YWHAE: variants seen among roughly 807,000 people sequenced by gnomAD.
YWHAE encodes the protein tyrosine 3-monooxygenase/tryptophan 5-monooxygenase activation protein epsilon, also known as 14-3-3 protein epsilon.
In YWHAE, 4 loss-of-function variants were observed where a neutral mutation model predicts 30.1. That is an observed-to-expected ratio of 0.13 (90% CI 0.07 to 0.30). The LOEUF (loss-of-function observed/expected upper bound fraction) is 0.30. Ranked by LOEUF, YWHAE falls within the 10% of genes least tolerant of loss-of-function variation. The pLI is 1.00. For missense variants in YWHAE, 121 were observed against 315.9 expected, an observed-to-expected ratio of 0.38 and a Z score of 4.68; for synonymous variants, 118 against 111.8, an observed-to-expected ratio of 1.06 and a Z score of -0.35.
At chr17:1,370,955 T>C (rs1015853819) in intron 1 of YWHAE, among the ~76,000 whole-genome samples, 1 of 151,918 alleles carries the variant, frequency 6.6e-6, no homozygotes, top group African/African-American at 2.4e-5. Context: ...GCTGAGATAG[T>C]GCCACTGCAC....
At chr17:1,355,113 TTTTAAAAAAAAA>T (rs2072712336) in intron 4 of YWHAE, among the ~76,000 whole-genome samples, 1 of 15,318 alleles carries the variant, frequency 6.5e-5, no homozygotes, top group African/African-American at 4.6e-4. Flanking sequence ...CCCCAAGATT[TTTTAAAAAAAAA>T]AAAAAAAAAA....
intron 5 of YWHAE, 86 bp downstream of exon 5, chr17:1,354,125 T>G: frequency 2.0e-6 from 3 of 1,504,150 alleles, no homozygotes; most frequent in Non-Finnish European, 2.7e-6. Context: ...TAGCTTGATA[T>G]AACGACAAGC....
chr17:1,391,024 T>A (rs1419480086), intron 1 of YWHAE, among the ~76,000 whole-genome samples: 1 of 152,152 alleles, frequency 6.6e-6, no homozygotes, highest in Non-Finnish European at 1.5e-5. Flanking sequence ...AAATAAAATG[T>A]ATGTAGGGAA....
At position 1,383,304 on chromosome 17, in the gene YWHAE, C is replaced by G. The variant is rs150362264; in HGVS notation, c.64+16743G>C. The stretch of plus-strand genomic sequence containing the variant: ...GGACGAGGTTTCCGCGAGCTGAGAT[C>G]GCGCGATTGCACTCCAGCCTGGGCA... On this transcript the variant is annotated intron_variant, in intron 1 of 5. Coordinates refer to ENST00000264335, the MANE Select transcript of YWHAE (RefSeq NM_006761.5). Among the ~76,000 whole-genome samples the G allele has an allele frequency of 1.3e-4, 20 of 151,754 alleles. No individual in the cohort carries two copies. In the East Asian group the frequency reaches 3.9e-3, roughly 30 times the overall value.
At chr17:1,376,178 T>C (rs1398173393) in intron 1 of YWHAE, among the ~76,000 whole-genome samples, 1 of 152,216 alleles carries the variant, frequency 6.6e-6, no homozygotes, top group Admixed American at 6.5e-5. Context: ...TTTATTTGAA[T>C]GCATCTGTAC....
chr17:1,388,134 T>G (rs1317073361), intron 1 of YWHAE, among the ~76,000 whole-genome samples: 13 of 110,962 alleles, frequency 1.2e-4, no homozygotes, highest in Non-Finnish European at 1.8e-4. Context: ...TTTTTTTTTT[T>G]TTTTTTTTAG....
At chr17:1,370,395 T>G (rs1368152819) in intron 1 of YWHAE, among the ~76,000 whole-genome samples, 1 of 151,748 alleles carries the variant, frequency 6.6e-6, no homozygotes, top group Non-Finnish European at 1.5e-5. Flanking sequence ...CCTCCCAAAG[T>G]GCTGGGATTA....
rs1208158487 is a variant in YWHAE, at chr17:1,351,751, C to T, written c.715+2460G>A. 2.6e-5 allele frequency among the ~76,000 whole-genome samples: 4 copies of T among 152,084 alleles called. 1 individual carries two copies. The highest frequency in any genetic ancestry group is 1.9e-4 in the East Asian group (1 of 5,198). Reference sequence around the variant, plus strand: ...CAACCTCAGCCGTCTGAGAAGCATGCGTTGTCACACCTGGCTGTTGTTTTT... The same window carrying T: ...CAACCTCAGCCGTCTGAGAAGCATGTGTTGTCACACCTGGCTGTTGTTTTT... On this transcript the variant is annotated intron_variant, in intron 5 of 5. Transcript: ENST00000264335.
chr17:1,365,845 T>C (rs1389681073), intron 1 of YWHAE, among the ~76,000 whole-genome samples: 2 of 152,138 alleles, frequency 1.3e-5, no homozygotes, highest in South Asian at 4.1e-4. Context: ...CAGGAGTAAG[T>C]GGCTCATACC....
chr17:1,380,592 C>T (rs1366935708), intron 1 of YWHAE, among the ~76,000 whole-genome samples: 1 of 152,030 alleles, frequency 6.6e-6, no homozygotes, highest in Non-Finnish European at 1.5e-5. Flanking sequence ...TTCTTTTCTT[C>T]GCCTCACTTC....
chr17:1,373,677 A>T (rs2073079391), intron 1 of YWHAE, among the ~76,000 whole-genome samples: 1 of 152,172 alleles, frequency 6.6e-6, no homozygotes, highest in Non-Finnish European at 1.5e-5. Flanking sequence ...CAAAAAAAAA[A>T]AAGAAAAGTT....
intron 1 of YWHAE, among the ~76,000 whole-genome samples, chr17:1,366,873 C>A (rs1159741143): frequency 6.6e-6 from 1 of 151,956 alleles, no homozygotes; most frequent in Non-Finnish European, 1.5e-5. Flanking sequence ...ACCTGGGAGG[C>A]AGAGGTTGCA....
At position 1,400,038 on chromosome 17, in the gene YWHAE, C is replaced by A. The variant is rs776066802; in HGVS notation, c.64+9G>T. On this transcript the variant is annotated intron_variant, in intron 1 of 5. Coordinates refer to ENST00000264335, the MANE Select transcript of YWHAE (RefSeq NM_006761.5). Reference sequence around the variant, plus strand: ...AGAATTCCAGCCCCCCGTTGCCCCCCCAACTCACCGTCGTATCGCTCAGCC... The same window carrying A: ...AGAATTCCAGCCCCCCGTTGCCCCCACAACTCACCGTCGTATCGCTCAGCC... The A allele has an allele frequency of 1.2e-6, 2 of 1,613,854 alleles. No individual in the cohort carries two copies. The highest frequency in any genetic ancestry group is 3.3e-5 in the Admixed American group (2 of 60,018).
At chr17:1,373,537 G>A (rs575372436) in intron 1 of YWHAE, among the ~76,000 whole-genome samples, 10 of 151,896 alleles carry the variant, frequency 6.6e-5, no homozygotes, top group East Asian at 5.9e-4. Context: ...GCATGGTGGC[G>A]GGCGCCTGTA....
At chr17:1,364,259 C>T (rs1264996007) in intron 2 of YWHAE, among the ~76,000 whole-genome samples, 1 of 150,372 alleles carries the variant, frequency 6.7e-6, no homozygotes, top group Non-Finnish European at 1.5e-5. Context: ...GAGTCTCGCG[C>T]TCTGTCACCC....
At chr17:1,396,638 T>C (rs1043100069) in intron 1 of YWHAE, among the ~76,000 whole-genome samples, 1 of 152,260 alleles carries the variant, frequency 6.6e-6, no homozygotes, top group Non-Finnish European at 1.5e-5. Context: ...TTCCCCTCTA[T>C]ATTCCCCGTT....
chr17:1,393,481 AGTGCAATG>A (rs2073419532), intron 1 of YWHAE, among the ~76,000 whole-genome samples: 1 of 152,166 alleles, frequency 6.6e-6, no homozygotes, highest in Admixed American at 6.6e-5. Flanking sequence ...CCCAGACTGG[AGTGCAATG>A]GTGCGATGTG....
intron 1 of YWHAE, among the ~76,000 whole-genome samples, chr17:1,397,116 C>CT (rs1161443373): frequency 6.6e-6 from 1 of 152,044 alleles, no homozygotes; most frequent in Non-Finnish European, 1.5e-5. Flanking sequence ...CCAGGCTGGT[C>CT]TTGAACTCCC....
intron 1 of YWHAE, among the ~76,000 whole-genome samples, chr17:1,371,832 C>G (rs1456850630): frequency 2.1e-5 from 3 of 145,296 alleles, no homozygotes; most frequent in Non-Finnish European, 1.5e-5. Context: ...TGCTACTTGA[C>G]CCTGTACTTT....
Sources: allele counts gnomAD v4.1 joint callset (sites outside exome capture counted in the v4.1 genomes callset), GRCh38; gene constraint gnomAD v4.1.1; transcripts MANE v1.5; gene names NCBI Gene and HGNC (gene_info 2026-07-23, HGNC 2026-07-21).